PHYHIP: variants seen among roughly 807,000 people sequenced by gnomAD.
PHYHIP encodes the protein phytanoyl-CoA 2-hydroxylase interacting protein.
A neutral mutation model predicts 26.1 loss-of-function variants in PHYHIP; 7 were observed. The observed-to-expected ratio is 0.27, with a 90% CI of 0.15 to 0.50. PHYHIP has a LOEUF of 0.50. PHYHIP is among the 20% of genes least tolerant of loss of function. The pLI is 0.98. For synonymous variants in PHYHIP, 206 were observed against 183.4 expected (o/e 1.12, Z -1.00); for missense variants, 232 against 454.7 (o/e 0.51, Z 4.45).
Position 22,225,285 on chromosome 8 carries a change from A to C in PHYHIP, c.341-942T>G, listed in dbSNP as rs145251041. Among the ~76,000 whole-genome samples the C allele has an allele frequency of 7.0e-3, 1,058 of 152,112 alleles. 14 individuals are homozygous for C. Among genetic ancestry groups the C allele is most frequent in the African/African-American group, 0.024 (999 of 41,500 alleles). On this transcript the variant is annotated intron_variant, in intron 3 of 4. Transcript: ENST00000454243. ...AGCCCAGGAGTTTGAGACTAGCCTG[A>C]CCAACATGGAAAAACTCCATCTCTA...
At chr8:22,226,809 C>T (rs558407798) in intron 3 of PHYHIP, 42 bp downstream of exon 3, 97 of 1,562,808 alleles carry the variant, frequency 6.2e-5, no homozygotes, top group South Asian at 5.0e-4. Flanking sequence ...CAAAGCCCGA[C>T]GTGCCAAGCA....
rs368427759 is a variant in PHYHIP, at chr8:22,221,356, G to A, written c.990C>T (p.Arg330=). ...SCKTCNISVG[R] ...CCCCCCAGCTCCCCAGGAGTCCCTA[G>A]CGGCCCACGCTGATGTTGCAGGTCT... Residue 330 remains arginine, a synonymous_variant, in exon 5 of 5, where the codon CGC becomes CGT. Transcript: ENST00000454243. This position sits in a 1 kb window ranked among gnomAD's most constrained non-coding sequence, Gnocchi z 7.9. The A allele has an allele frequency of 5.7e-6, 9 of 1,575,586 alleles. No individual in the cohort carries two copies. The African/African-American group carries it at 1.1e-4, about 19-fold the overall frequency.
Position 22,221,779 on chromosome 8 carries a change from C to T in PHYHIP, c.567G>A (p.Glu189=). The change falls in exon 5 of 5, where the codon GAG becomes GAA. Residue 189 remains glutamate (E), a synonymous_variant. Transcript: ENST00000454243. This position sits in a 1 kb window ranked among gnomAD's most constrained non-coding sequence, Gnocchi z 7.9. ...CCTGCGGGGGCTGGCCCGTGTTGAACTCCGTGTTGCAGCTGAAGAAGACCC... is the reference window on the plus strand; with the variant it reads ...CCTGCGGGGGCTGGCCCGTGTTGAATTCCGTGTTGCAGCTGAAGAAGACCC... ...LHGVFFSCNT[E]FNTGQPPQDS... 6.2e-7 allele frequency: 1 copy of T among 1,612,188 alleles called. No homozygotes were observed.
At chr8:22,227,755 G>A (rs567612153) in intron 2 of PHYHIP, 27 of 457,432 alleles carry the variant, frequency 5.9e-5, no homozygotes, top group Non-Finnish European at 8.3e-5. Flanking sequence ...GCTCCGCCCC[G>A]ACCGAGGCCC....
At chr8:22,226,624 G>A (rs993327975) in intron 3 of PHYHIP, among the ~76,000 whole-genome samples, 6 of 152,198 alleles carry the variant, frequency 3.9e-5, no homozygotes, top group Non-Finnish European at 7.3e-5. Flanking sequence ...TCTTGCCAGC[G>A]TGATTAGTGG....
In PHYHIP at chr8:22,226,840, C is replaced by A; in HGVS notation, c.340+11G>T. 6.2e-7 allele frequency: 1 copy of A among 1,606,090 alleles called. No homozygotes were observed. Among genetic ancestry groups the A allele is most frequent in the Non-Finnish European group, 8.5e-7 (1 of 1,175,062 alleles). On this transcript the variant is annotated intron_variant, in intron 3 of 4. Coordinates refer to ENST00000454243, the MANE Select transcript of PHYHIP (RefSeq NM_014759.5). ...AAGCAGCAGGACAGGGGTGTGATAG[C>A]AGGGCCTCACCCCCAGTGCAGAACT...
chr8:22,227,067 G>C (rs1046281107), intron 2 of PHYHIP, 42 bp from the exon 3 acceptor site: 2 of 1,556,922 alleles, frequency 1.3e-6, no homozygotes. Flanking sequence ...CGTCAAACAG[G>C]GGTTCATGCC....
At chr8:22,227,422 G>T (rs1185537269) in intron 2 of PHYHIP, among the ~76,000 whole-genome samples, 1 of 152,166 alleles carries the variant, frequency 6.6e-6, no homozygotes, top group African/African-American at 2.4e-5. Flanking sequence ...GGGTTAAGGG[G>T]GTGGTGTTGA....
chr8:22,223,225 G>A (rs966002405), intron 4 of PHYHIP, among the ~76,000 whole-genome samples: 1 of 151,986 alleles, frequency 6.6e-6, no homozygotes, highest in African/African-American at 2.4e-5. Flanking sequence ...AGCCGGGCAT[G>A]GTGGCGCATA....
intron 1 of PHYHIP, 36 bp from the exon 2 acceptor site, chr8:22,228,422 C>G: frequency 7.7e-7 from 1 of 1,299,068 alleles, no homozygotes; most frequent in Admixed American, 2.2e-5. Context: ...CATCCCTTGA[C>G]CCCGGCGAGC....
chr8:22,221,705 A>C lies in PHYHIP; in HGVS notation c.641T>G (p.Phe214Cys). 1.2e-6 allele frequency: 2 copies of C among 1,613,192 alleles called. No homozygotes were observed. The highest frequency in any genetic ancestry group is 1.7e-6 in the Non-Finnish European group (2 of 1,179,764). ...AAAGTAGAGGTTGGTGCTGGGATTG[A>C]AGAGGCGCTGAGCTGGGATCTGGAA... is the stretch of plus-strand genomic sequence containing the variant. Reference protein sequence around the residue: ...WRFQIPAQRLFNPSTNLYFAD... With the variant: ...WRFQIPAQRLCNPSTNLYFAD... The change falls in exon 5 of 5, where the codon TTC becomes TGC. Residue 214 changes from phenylalanine (F) to cysteine (C), a missense_variant. Transcript: ENST00000454243. The surrounding 1 kb of genome is among the most constrained non-coding windows in gnomAD (Gnocchi z 7.9).
chr8:22,225,409 C>T (rs1018235182), intron 3 of PHYHIP, among the ~76,000 whole-genome samples: 1 of 151,700 alleles, frequency 6.6e-6, no homozygotes, highest in Non-Finnish European at 1.5e-5. Flanking sequence ...GGCTTGGGCT[C>T]GTGGGGAGGA....
In PHYHIP at chr8:22,228,381, TG is replaced by T. The variant is rs774957986; in HGVS notation, c.-25del. 79 of 1,563,356 alleles carry T rather than the reference TG, an allele frequency of 5.1e-5. No homozygotes were observed. Among genetic ancestry groups the T allele is most frequent in the Non-Finnish European group, 6.7e-5 (77 of 1,152,120 alleles). On this transcript the variant is annotated 5_prime_UTR_variant, in exon 2 of 5. Coordinates refer to ENST00000454243, the MANE Select transcript of PHYHIP (RefSeq NM_014759.5). ...ATGCTCCCGTCAGGGTTGTCTCCTG[TG>T]GGGACTGAGGAGGAGGGAAAGGGTC...
intron 1 of PHYHIP, among the ~76,000 whole-genome samples, chr8:22,231,463 G>A (rs913841295): frequency 1.5e-4 from 23 of 152,244 alleles, no homozygotes; most frequent in Admixed American, 1.3e-4. Context: ...TCGCGAGCGC[G>A]CACACACACA....
rs1829612762 is a variant in PHYHIP at position 22,221,130 on chromosome 8, C to G, written c.*223G>C. On this transcript the variant is annotated 3_prime_UTR_variant, in exon 5 of 5. Transcript: ENST00000454243. The surrounding 1 kb of genome is among the most constrained non-coding windows in gnomAD (Gnocchi z 7.9). ...AGAAGTCCAGCCCAGCTGCCAACTA[C>G]AGAGGCTGAGAAGCCTTTCCATGTC... is the stretch of plus-strand genomic sequence containing the variant. The G allele has an allele frequency of 2.0e-6, 1 of 497,500 alleles. No homozygotes were observed. Among genetic ancestry groups the G allele is most frequent in the Non-Finnish European group, 3.6e-6 (1 of 281,388 alleles). The allele number at this position is 497,500 out of a possible 1,614,324, so 30.8% of individuals were successfully genotyped here. A position where few individuals can be genotyped will look rare whatever the true frequency, so the allele number is the denominator to read the frequency against.
At chr8:22,223,702 G>C (rs926420141) in intron 4 of PHYHIP, 2 of 152,804 alleles carry the variant, frequency 1.3e-5, no homozygotes, top group African/African-American at 4.8e-5. Context: ...ACTCTGACTG[G>C]AGGTCAGGTG....
chr8:22,221,332 C>G lies in PHYHIP; in HGVS notation c.*21G>C. 6.5e-7 allele frequency: 1 copy of G among 1,535,078 alleles called. No homozygotes were observed. Among genetic ancestry groups the G allele is most frequent in the Non-Finnish European group, 8.8e-7 (1 of 1,139,724 alleles). On this transcript the variant is annotated 3_prime_UTR_variant, in exon 5 of 5. Transcript: ENST00000454243. This position sits in a 1 kb window ranked among gnomAD's most constrained non-coding sequence, Gnocchi z 7.9. Reference sequence around the variant, plus strand: ...CACCTTCCGCTCATCTCTCCCTCGCCCCCCAGCTCCCCAGGAGTCCCTAGC... The same window carrying G: ...CACCTTCCGCTCATCTCTCCCTCGCGCCCCAGCTCCCCAGGAGTCCCTAGC...
At chr8:22,227,168 C>A in intron 2 of PHYHIP, 143 bp from the exon 3 acceptor site, 1 of 739,024 alleles carries the variant, frequency 1.4e-6, no homozygotes, top group Non-Finnish European at 2.1e-6. Context: ...GGCTCCATAC[C>A]CTGGCCACCA....
chr8:22,222,668 G>A (rs1829654114), intron 4 of PHYHIP, among the ~76,000 whole-genome samples: 1 of 152,194 alleles, frequency 6.6e-6, no homozygotes, highest in African/African-American at 2.4e-5. Context: ...AGTGAACTGT[G>A]CCTTTATCTT....
Sources: gnomAD v4.1 joint callset for allele counts (sites outside exome capture counted in the v4.1 genomes callset) on GRCh38, gnomAD v4.1.1 for gene constraint, Gnocchi (gnomAD v3.1) non-coding constraint, MANE v1.5 for transcripts, NCBI Gene and HGNC (gene_info 2026-07-23, HGNC 2026-07-21) for gene names.